The following ELAVL1 variants were observed in gnomAD, a reference collection of about 807,000 sequenced individuals.
The protein encoded by ELAVL1 is ELAV-like protein 1.
In ELAVL1, 1 loss-of-function variant was observed where a neutral mutation model predicts 28.4. The observed-to-expected ratio is 0.04, with a 90% CI of 0.01 to 0.17. The LOEUF is 0.17. Among genes scored for constraint, ELAVL1 ranks in the 10% least tolerant of loss-of-function variants. ELAVL1 has a pLI of 1.00. For synonymous variants in ELAVL1, 174 were observed against 183.5 expected (o/e 0.95, Z 0.42); for missense variants, 157 against 447.2 (o/e 0.35, Z 5.85).
chr19:7,996,704 T>G (rs1324549582), intron 1 of ELAVL1, among the ~76,000 whole-genome samples: 2 of 151,582 alleles, frequency 1.3e-5, no homozygotes, highest in Non-Finnish European at 2.9e-5. Flanking sequence ...TCTCAGTTAC[T>G]GGGGAGGCTG....
intron 4 of ELAVL1, among the ~76,000 whole-genome samples, chr19:7,972,343 G>A (rs1315502882): frequency 1.3e-5 from 2 of 152,398 alleles, no homozygotes; most frequent in Admixed American, 6.5e-5. Context: ...AGTAGGGCCG[G>A]AGCACAGCCG....
chr19:8,003,584 C>A (rs370069436), intron 1 of ELAVL1, among the ~76,000 whole-genome samples: 5 of 148,152 alleles, frequency 3.4e-5, no homozygotes, highest in Non-Finnish European at 7.4e-5. Context: ...CCCAGCTACT[C>A]GGGAGGCTGA....
chr19:7,975,141 T>C (rs537003794), intron 3 of ELAVL1, among the ~76,000 whole-genome samples: 1 of 152,142 alleles, frequency 6.6e-6, no homozygotes, highest in Non-Finnish European at 1.5e-5. Context: ...CCCCATGATG[T>C]GGGTCAGGGG....
At chr19:7,976,246 CA>C (rs1985283080) in intron 3 of ELAVL1, among the ~76,000 whole-genome samples, 2 of 149,966 alleles carry the variant, frequency 1.3e-5, no homozygotes, top group Admixed American at 6.6e-5. Context: ...ACTAAAAATA[CA>C]AAAAATTAGC....
intron 2 of ELAVL1, among the ~76,000 whole-genome samples, chr19:7,990,975 G>A (rs1985736673): frequency 6.6e-6 from 1 of 152,156 alleles, no homozygotes. Context: ...ACGAGGTAGG[G>A]ACCACCAGGA....
At chr19:7,980,973 G>C (rs2145212976) in intron 3 of ELAVL1, 110 bp downstream of exon 3, 1 of 1,069,826 alleles carries the variant, frequency 9.3e-7, no homozygotes. Context: ...AGCCCCCGAG[G>C]AGCGGCTGTG....
chr19:7,998,424 C>A (rs1415462728), intron 1 of ELAVL1, among the ~76,000 whole-genome samples: 1 of 152,198 alleles, frequency 6.6e-6, no homozygotes. Flanking sequence ...TCAGGCATGC[C>A]ATTAATAAGT....
At chr19:7,993,354 A>T (rs1985801442) in intron 1 of ELAVL1, among the ~76,000 whole-genome samples, 3 of 151,956 alleles carry the variant, frequency 2.0e-5, no homozygotes, top group African/African-American at 4.8e-5. Context: ...GTGTACCTGA[A>T]CCCCACCCCT....
intron 4 of ELAVL1, chr19:7,973,355 C>CGAGT (rs753685054): frequency 4.2e-5 from 15 of 354,524 alleles, no homozygotes; most frequent in Non-Finnish European, 6.6e-5. Flanking sequence ...CTCAGCCTCC[C>CGAGT]GAGTAGCTGG....
At chr19:7,973,489 C>A (rs564201408) in intron 4 of ELAVL1, 3 of 549,886 alleles carry the variant, frequency 5.5e-6, no homozygotes, top group African/African-American at 1.9e-5. Context: ...CTTGGCCTCC[C>A]AAAGTGCTGG....
In ELAVL1 at chr19:7,981,232, G is replaced by C. The variant is rs772147197; in HGVS notation, c.173-46C>G. ...ACATTGGTAAGCCAACCGTCTGCGA[G>C]TGAGGGACAGGGAGGTCGGGAAGCA... On this transcript the variant is annotated intron_variant, in intron 2 of 5. Transcript: ENST00000407627. This position sits in a 1 kb window ranked among gnomAD's most constrained non-coding sequence, Gnocchi z 4.2. 1.3e-6 allele frequency: 2 copies of C among 1,597,706 alleles called. No individual in the cohort carries two copies. The highest frequency in any genetic ancestry group is 1.7e-6 in the Non-Finnish European group (2 of 1,165,112).
intron 2 of ELAVL1, among the ~76,000 whole-genome samples, chr19:7,986,174 T>C (rs1315203690): frequency 2.0e-5 from 3 of 152,192 alleles, no homozygotes; most frequent in Admixed American, 1.3e-4. Flanking sequence ...CGCCCTGACC[T>C]GACACGGGGT....
chr19:8,002,174 G>GAACACTGC, intron 1 of ELAVL1: 1 of 1,254,392 alleles, frequency 8.0e-7, no homozygotes, highest in Non-Finnish European at 1.0e-6. Flanking sequence ...GATGTTCTCT[G>GAACACTGC]AACACTGCGA....
chr19:7,976,971 C>T (rs1985315076), intron 3 of ELAVL1, among the ~76,000 whole-genome samples: 1 of 151,928 alleles, frequency 6.6e-6, no homozygotes, highest in Non-Finnish European at 1.5e-5. Flanking sequence ...TACAGGCATG[C>T]ACCACCCTGC....
chr19:7,973,294 G>A (rs1400661192), intron 4 of ELAVL1: 7 of 230,760 alleles, frequency 3.0e-5, no homozygotes, highest in Non-Finnish European at 5.7e-5. Context: ...GCAGTGGCAA[G>A]ACCTCGGCTC....
rs936972125 is a variant in ELAVL1, at chr19:7,961,169, G to A, written c.*2314C>T. 6.6e-6 allele frequency: 1 copy of A among 152,256 alleles called. No individual in the cohort carries two copies. The highest frequency in any genetic ancestry group is 2.4e-5 in the African/African-American group (1 of 41,454). 9.4% of individuals were successfully genotyped at this position (152,256 alleles called of 1,614,324 possible). The stretch of plus-strand genomic sequence containing the variant: ...ATAGGATTCAGATAAAAGGGGGCGA[G>A]GAAAGAAGCTGAGGTGCTACAAGCC... On this transcript the variant is annotated 3_prime_UTR_variant, in exon 6 of 6. Transcript: ENST00000407627.
chr19:7,964,786 T>C (rs921160702), intron 5 of ELAVL1, among the ~76,000 whole-genome samples: 9 of 152,236 alleles, frequency 5.9e-5, no homozygotes, highest in African/African-American at 2.2e-4. Flanking sequence ...AAACAGTTCC[T>C]AAAGCTATGT....
At chr19:7,971,979 C>A (rs1046694013) in intron 4 of ELAVL1, among the ~76,000 whole-genome samples, 1 of 152,242 alleles carries the variant, frequency 6.6e-6, no homozygotes, top group Non-Finnish European at 1.5e-5. Context: ...CTCTGGGCTG[C>A]TGGGGGAGTG....
At chr19:7,984,557 T>C (rs1282866353) in intron 2 of ELAVL1, among the ~76,000 whole-genome samples, 1 of 152,104 alleles carries the variant, frequency 6.6e-6, no homozygotes, top group Non-Finnish European at 1.5e-5. Flanking sequence ...CTAATCCAGA[T>C]GGGAGATGCA....
Sources: allele counts gnomAD v4.1 joint callset (sites outside exome capture counted in the v4.1 genomes callset), GRCh38; gene constraint gnomAD v4.1.1; non-coding constraint Gnocchi (gnomAD v3.1); transcripts MANE v1.5; gene names NCBI Gene and HGNC (gene_info 2026-07-23, HGNC 2026-07-21).